The following CAST variants were observed in gnomAD, a reference collection of about 807,000 sequenced individuals.
CAST encodes MIR583 host.
CAST carries 76 observed loss-of-function variants against 119.6 expected under a neutral mutation model. The ratio of observed to expected loss-of-function variants is 0.64; its 90% CI spans 0.53 to 0.77. The LOEUF is 0.77. Ranked by LOEUF, CAST falls within the 30% of genes least tolerant of loss-of-function variation. The pLI, the probability that CAST is intolerant of heterozygous loss-of-function variation, is 0.00. For missense variants in CAST, 953 were observed against 946.5 expected, an observed-to-expected ratio of 1.01 and a Z score of -0.09; for synonymous variants, 319 against 331.6, an observed-to-expected ratio of 0.96 and a Z score of 0.41.
the CAST span, among the ~76,000 whole-genome samples, chr5:96,107,657 T>C: frequency 3.5e-4 from 54 of 152,136 alleles, no homozygotes; most frequent in African/African-American, 1.1e-3. Flanking sequence ...GCCCTTAACA[T>C]TTTTTCCTTC....
At chr5:96,637,146 A>G (rs994203080) in intron 1 of CAST, among the ~76,000 whole-genome samples, 2 of 152,332 alleles carry the variant, frequency 1.3e-5, no homozygotes, top group Admixed American at 6.5e-5. Flanking sequence ...GGTCAGCTCA[A>G]TATTAGTTGT....
chr5:96,028,549 A>T, the CAST span, among the ~76,000 whole-genome samples: 1 of 152,014 alleles, frequency 6.6e-6, no homozygotes, highest in African/African-American at 2.4e-5. Flanking sequence ...AATGACCCCA[A>T]ATTTAAGATG....
At chr5:96,227,965 C>A in the CAST span, among the ~76,000 whole-genome samples, 5 of 151,998 alleles carry the variant, frequency 3.3e-5, no homozygotes, top group African/African-American at 9.7e-5. Flanking sequence ...TTCAGCTTCA[C>A]CGATTTCACA....
intron 2 of CAST, among the ~76,000 whole-genome samples, chr5:96,681,732 CAAAAA>C (rs70981836): frequency 1.1e-5 from 1 of 89,454 alleles, no homozygotes. Context: ...GACTCCGTCT[CAAAAA>C]AAAAAAAAAA....
At chr5:96,480,748 G>A in the CAST span, among the ~76,000 whole-genome samples, 2 of 152,322 alleles carry the variant, frequency 1.3e-5, no homozygotes, top group East Asian at 3.9e-4. Context: ...AGAATAAAGT[G>A]CTTTAGGAAG....
the CAST span, among the ~76,000 whole-genome samples, chr5:96,506,967 T>C: frequency 6.6e-6 from 1 of 152,178 alleles, no homozygotes; most frequent in African/African-American, 2.4e-5. Context: ...AGAGCAGATA[T>C]GGCCTCTGCC....
At chr5:96,302,342 G>A in the CAST span, among the ~76,000 whole-genome samples, 2 of 152,214 alleles carry the variant, frequency 1.3e-5, no homozygotes, top group East Asian at 1.9e-4. Flanking sequence ...CTGCACAAAG[G>A]TCTCTGTAAC....
the CAST span, among the ~76,000 whole-genome samples, chr5:96,068,593 A>ATGTG: frequency 0.24 from 33,502 of 142,034 alleles, 3,857 homozygotes; most frequent in East Asian, 0.4. Context: ...CAATAGGATT[A>ATGTG]TGTGTGTGTG....
chr5:96,069,938 A>T, the CAST span, among the ~76,000 whole-genome samples: 1 of 152,060 alleles, frequency 6.6e-6, no homozygotes, highest in Non-Finnish European at 1.5e-5. Context: ...GATCGCTTGA[A>T]GCCAGGAGTT....
At chr5:96,374,511 G>A in the CAST span, among the ~76,000 whole-genome samples, 147 of 152,288 alleles carry the variant, frequency 9.7e-4, 1 homozygote, top group South Asian at 8.3e-3. Context: ...TAAATAAGGA[G>A]AATACTGTAC....
chr5:96,108,628 G>A, the CAST span, among the ~76,000 whole-genome samples: 1 of 151,982 alleles, frequency 6.6e-6, no homozygotes, highest in South Asian at 2.1e-4. Context: ...TCTCTTCAAA[G>A]CTGTCAGACA....
chr5:96,400,613 T>C, the CAST span, among the ~76,000 whole-genome samples: 3 of 152,228 alleles, frequency 2.0e-5, no homozygotes, highest in Admixed American at 6.5e-5. Context: ...AGGCCTTGAC[T>C]TCCTTCTTAG....
intron 1 of CAST, among the ~76,000 whole-genome samples, chr5:96,544,205 C>G (rs943764258): frequency 6.6e-6 from 1 of 152,124 alleles, no homozygotes; most frequent in Admixed American, 6.5e-5. Context: ...TGGACTATCT[C>G]TCCATTTATT....
chr5:96,499,882 G>T, the CAST span, among the ~76,000 whole-genome samples: 1 of 152,102 alleles, frequency 6.6e-6, no homozygotes, highest in East Asian at 1.9e-4. Flanking sequence ...TCTAGCTTTT[G>T]ATTTAAGCTA....
chr5:96,740,322 C>G (rs763671125), intron 12 of CAST, among the ~76,000 whole-genome samples: 1 of 152,158 alleles, frequency 6.6e-6, no homozygotes, highest in African/African-American at 2.4e-5. Flanking sequence ...GATTGATTGT[C>G]TCACAGTTCT....
At chr5:96,514,343 A>G in the CAST span, among the ~76,000 whole-genome samples, 1 of 152,178 alleles carries the variant, frequency 6.6e-6, no homozygotes, top group African/African-American at 2.4e-5. Context: ...GCCTGCAAAA[A>G]TGAATGTAAG....
chr5:96,032,661 T>C, the CAST span, among the ~76,000 whole-genome samples: 2 of 152,100 alleles, frequency 1.3e-5, no homozygotes, highest in Non-Finnish European at 2.9e-5. Context: ...CCAAAACCCC[T>C]AGGTCTGTTG....
chr5:96,153,572 A>G, the CAST span, among the ~76,000 whole-genome samples: 4 of 152,278 alleles, frequency 2.6e-5, no homozygotes, highest in Admixed American at 6.6e-5. Context: ...CTTGCAAGTG[A>G]CTTCACCATT....
chr5:96,415,135 T>C, the CAST span, among the ~76,000 whole-genome samples: 1 of 152,240 alleles, frequency 6.6e-6, no homozygotes, highest in African/African-American at 2.4e-5. Flanking sequence ...GACAGTTTTT[T>C]CTTTTCTCTT....
Sources: allele counts gnomAD v4.1 joint callset (sites outside exome capture counted in the v4.1 genomes callset), GRCh38; gene constraint gnomAD v4.1.1; transcripts MANE v1.5; gene names NCBI Gene and HGNC (gene_info 2026-07-23, HGNC 2026-07-21).